TMEM132B: variants seen among roughly 807,000 people sequenced by gnomAD.
TMEM132B encodes transmembrane protein 132B.
In TMEM132B, 18 loss-of-function variants were observed where a neutral mutation model predicts 90.8. The ratio of observed to expected loss-of-function variants is 0.20; its 90% CI spans 0.14 to 0.29. The LOEUF (loss-of-function observed/expected upper bound fraction) is 0.29. Ranked by LOEUF, TMEM132B falls within the 10% of genes least tolerant of loss-of-function variation. The probability of loss-of-function intolerance (pLI) is 1.00; values close to 1 mark genes in which losing one functional copy is unlikely to be tolerated. For missense variants in TMEM132B, 1,096 were observed against 1,326.8 expected (o/e 0.83, Z 2.70); for synonymous variants, 504 against 523.3 (o/e 0.96, Z 0.50).
At chr12:125,599,903 A>G (rs540954363) in intron 5 of TMEM132B, among the ~76,000 whole-genome samples, 2 of 152,276 alleles carry the variant, frequency 1.3e-5, no homozygotes, top group South Asian at 2.1e-4. Flanking sequence ...CAGGTAGTCA[A>G]TTAAAAGAAA....
rs1010779866 is a variant in TMEM132B at position 125,656,134 on chromosome 12, G to A, written c.*1424G>A. ...TAATAGCATCATGAATGGTCTTAAG[G>A]CAAAAATTTCAGATTAGCAAAATGT... On this transcript the variant is annotated 3_prime_UTR_variant, in exon 9 of 9. Transcript: ENST00000682704. 1.3e-5 allele frequency: 2 copies of A among 152,120 alleles called. No homozygotes were observed. The highest frequency in any genetic ancestry group is 4.8e-5 in the African/African-American group (2 of 41,410). The allele number at this position is 152,120 out of a possible 1,614,324, so 9.4% of individuals were successfully genotyped here. A position where few individuals can be genotyped will look rare whatever the true frequency, so the allele number is the denominator to read the frequency against.
intron 2 of TMEM132B, among the ~76,000 whole-genome samples, chr12:125,367,812 C>A (rs1328392172): frequency 1.3e-5 from 2 of 152,106 alleles, no homozygotes; most frequent in Non-Finnish European, 2.9e-5. Flanking sequence ...TCTCACTCAA[C>A]CATTACCAGA....
At chr12:125,551,180 C>A (rs1454942913) in intron 4 of TMEM132B, among the ~76,000 whole-genome samples, 2 of 152,216 alleles carry the variant, frequency 1.3e-5, no homozygotes, top group Non-Finnish European at 2.9e-5. Context: ...TGGTTTAATT[C>A]ATCATTAAAT....
intron 4 of TMEM132B, among the ~76,000 whole-genome samples, chr12:125,529,511 G>A (rs896534127): frequency 6.6e-6 from 1 of 152,194 alleles, no homozygotes; most frequent in Admixed American, 6.5e-5. Flanking sequence ...TGTCAAGAGA[G>A]CCTTTCTCTG....
At chr12:125,207,612 T>C (rs1873212763) in intron 1 of TMEM132B, among the ~76,000 whole-genome samples, 1 of 152,208 alleles carries the variant, frequency 6.6e-6, no homozygotes, top group South Asian at 2.1e-4. Flanking sequence ...CTTAACAATT[T>C]TTAAGTGTAC....
intron 1 of TMEM132B, among the ~76,000 whole-genome samples, chr12:125,192,893 C>T (rs1023182589): frequency 6.6e-6 from 1 of 152,206 alleles, no homozygotes; most frequent in Non-Finnish European, 1.5e-5. Flanking sequence ...CTGTGAGACT[C>T]AGTTTTCCCA....
intron 1 of TMEM132B, among the ~76,000 whole-genome samples, chr12:125,271,077 A>G (rs1279885935): frequency 6.6e-6 from 1 of 151,634 alleles, no homozygotes; most frequent in East Asian, 1.9e-4. Context: ...CACCCTCCTG[A>G]GTTTCTGGGA....
intron 4 of TMEM132B, among the ~76,000 whole-genome samples, chr12:125,550,320 G>A (rs2136757155): frequency 6.6e-6 from 1 of 152,286 alleles, no homozygotes; most frequent in Non-Finnish European, 1.5e-5. Flanking sequence ...AGCCCTAGAG[G>A]TGGTAGCTGC....
chr12:125,583,588 G>A (rs1202363828), intron 4 of TMEM132B, among the ~76,000 whole-genome samples: 2 of 152,124 alleles, frequency 1.3e-5, no homozygotes, highest in Admixed American at 6.6e-5. Flanking sequence ...AGGGAGAGGA[G>A]GTCAGGGAGA....
intron 1 of TMEM132B, among the ~76,000 whole-genome samples, chr12:125,305,871 A>G (rs980884764): frequency 1.3e-5 from 2 of 152,112 alleles, no homozygotes; most frequent in East Asian, 3.8e-4. Context: ...ACAACTCTGT[A>G]CTCCAGTGAA....
intron 3 of TMEM132B, among the ~76,000 whole-genome samples, chr12:125,488,615 C>T (rs149482635): frequency 0.028 from 4,211 of 152,312 alleles, 71 homozygotes; most frequent in Non-Finnish European, 0.041. Context: ...CTCTTTGCCT[C>T]CTGCCATGAT....
At chr12:125,491,091 C>G (rs1301952880) in intron 3 of TMEM132B, among the ~76,000 whole-genome samples, 1 of 152,108 alleles carries the variant, frequency 6.6e-6, no homozygotes, top group Admixed American at 6.5e-5. Flanking sequence ...ACTGCAACTT[C>G]ATGAAAGACC....
At chr12:125,430,988 G>C (rs1880483906) in intron 3 of TMEM132B, among the ~76,000 whole-genome samples, 1 of 152,106 alleles carries the variant, frequency 6.6e-6, no homozygotes, top group Non-Finnish European at 1.5e-5. Flanking sequence ...CCCTGAGGTG[G>C]CCGGCCCCAG....
chr12:125,238,366 C>CCA (rs1873984165), intron 1 of TMEM132B, among the ~76,000 whole-genome samples: 1 of 111,584 alleles, frequency 9.0e-6, no homozygotes. Flanking sequence ...AAAAAAAAAC[C>CCA]AAAAAAAAAA....
intron 5 of TMEM132B, among the ~76,000 whole-genome samples, chr12:125,609,226 C>T (rs371029209): frequency 2.6e-5 from 4 of 152,062 alleles, no homozygotes; most frequent in Admixed American, 6.6e-5. Flanking sequence ...GGGGACAGAG[C>T]GAAACCATAT....
At chr12:125,553,485 C>T (rs1884291474) in intron 4 of TMEM132B, among the ~76,000 whole-genome samples, 1 of 152,292 alleles carries the variant, frequency 6.6e-6, no homozygotes, top group South Asian at 2.1e-4. Context: ...GGGTTACGAG[C>T]AGGTCCGCTG....
intron 4 of TMEM132B, among the ~76,000 whole-genome samples, chr12:125,554,175 G>A (rs1343676736): frequency 6.6e-6 from 1 of 152,026 alleles, no homozygotes; most frequent in African/African-American, 2.4e-5. Flanking sequence ...TGTAATCCCA[G>A]CACTTTGGGA....
In TMEM132B at chr12:125,211,066, C is replaced by T. The variant is rs982246720; in HGVS notation, c.67+24200C>T. Among the ~76,000 whole-genome samples the T allele has an allele frequency of 7.4e-5, 10 of 135,564 alleles. No individual in the cohort carries two copies. In the East Asian group the frequency reaches 1.8e-3, roughly 25 times the overall value. 88.9% of individuals were successfully genotyped at this position (135,564 alleles called of 152,430 possible). On this transcript the variant is annotated intron_variant, in intron 1 of 8. Transcript: ENST00000682704. The stretch of plus-strand genomic sequence containing the variant: ...AGCCTGGGCAACAGTGAGACTCCAT[C>T]TCAAAAAAAAAAAATGTGAAAACAA...
At chr12:125,288,292 G>A (rs1321428262) in intron 1 of TMEM132B, among the ~76,000 whole-genome samples, 3 of 151,190 alleles carry the variant, frequency 2.0e-5, no homozygotes, top group Non-Finnish European at 4.4e-5. Flanking sequence ...GTGAAACCCC[G>A]TCTCTACTAA....
Sources: allele counts gnomAD v4.1 joint callset (sites outside exome capture counted in the v4.1 genomes callset), GRCh38; gene constraint gnomAD v4.1.1; transcripts MANE v1.5; gene names NCBI Gene and HGNC (gene_info 2026-07-23, HGNC 2026-07-21).